Variants in RGS7 observed in about 807,000 individuals in gnomAD.
RGS7 encodes the protein regulator of G protein signaling 7.
RGS7 carries 27 observed loss-of-function variants against 81.1 expected under a neutral mutation model. The ratio of observed to expected loss-of-function variants is 0.33; its 90% CI spans 0.25 to 0.46. The LOEUF is 0.46. RGS7 is among the 20% of genes least tolerant of loss of function. RGS7 has a pLI of 1.00. For missense variants in RGS7, 396 were observed against 607.4 expected (o/e 0.65, Z 3.66); for synonymous variants, 208 against 207.7 (o/e 1.00, Z -0.01).
chr1:240,799,123 T>C (rs1687575612), intron 18 of RGS7, among the ~76,000 whole-genome samples: 1 of 152,196 alleles, frequency 6.6e-6, no homozygotes, highest in Non-Finnish European at 1.5e-5. Flanking sequence ...GAGAACCTTT[T>C]AATTTCCTTA....
At chr1:241,176,701 C>T (rs910897200) in intron 2 of RGS7, among the ~76,000 whole-genome samples, 1 of 152,000 alleles carries the variant, frequency 6.6e-6, no homozygotes, top group African/African-American at 2.4e-5. Context: ...AAATGGTGGG[C>T]CTTGGATATG....
intron 4 of RGS7, among the ~76,000 whole-genome samples, chr1:240,957,950 C>G (rs758533573): frequency 1.3e-5 from 2 of 152,186 alleles, no homozygotes; most frequent in Non-Finnish European, 2.9e-5. Flanking sequence ...GACGATTTTA[C>G]AGACCCAGTG....
At chr1:241,033,797 A>G (rs114913926) in intron 3 of RGS7, among the ~76,000 whole-genome samples, 1,601 of 152,280 alleles carry the variant, frequency 0.011, 19 homozygotes, top group Non-Finnish European at 0.017. Context: ...ATTTTACCAA[A>G]GTGCCACCTA....
At chr1:240,848,041 G>C (rs192977450) in intron 9 of RGS7, among the ~76,000 whole-genome samples, 17 of 152,184 alleles carry the variant, frequency 1.1e-4, no homozygotes, top group Admixed American at 6.5e-4. Context: ...CTAAAATAGG[G>C]GTTCTTATTC....
At position 241,308,952 on chromosome 1, in the gene RGS7, C is replaced by T. The variant is rs574922229; in HGVS notation, c.78+46747G>A. Among the ~76,000 whole-genome samples, 16 of 152,234 alleles carry T rather than the reference C, an allele frequency of 1.1e-4. No individual in the cohort carries two copies. In the South Asian group the frequency reaches 1.7e-3, roughly 16 times the overall value. ...GTCATCTTCTCTAAACCGAGGACAG[C>T]GATCAGCTACGTGAGAGTGGTATTC... is the stretch of plus-strand genomic sequence containing the variant. On this transcript the variant is annotated intron_variant, in intron 2 of 18. Transcript: ENST00000440928.
intron 2 of RGS7, among the ~76,000 whole-genome samples, chr1:241,176,072 T>C (rs1450755608): frequency 6.6e-6 from 1 of 152,210 alleles, no homozygotes; most frequent in South Asian, 2.1e-4. Context: ...GAGGAGGTCC[T>C]GTGAGTGTAT....
At chr1:240,804,109 G>C (rs949859209) in intron 15 of RGS7, among the ~76,000 whole-genome samples, 3 of 152,100 alleles carry the variant, frequency 2.0e-5, no homozygotes, top group African/African-American at 7.2e-5. Context: ...CCTTGCTCAA[G>C]AACTACCACT....
chr1:240,810,480 T>C (rs1212371429), intron 14 of RGS7, among the ~76,000 whole-genome samples: 1 of 147,136 alleles, frequency 6.8e-6, no homozygotes, highest in Non-Finnish European at 1.5e-5. Context: ...AGAGTCTTGC[T>C]CTGTTGCCCA....
At chr1:240,834,347 G>C (rs541466891) in intron 9 of RGS7, among the ~76,000 whole-genome samples, 15 of 152,290 alleles carry the variant, frequency 9.8e-5, no homozygotes, top group Non-Finnish European at 7.3e-5. Context: ...TCTTGCTTCA[G>C]TGTATGCTGT....
At chr1:240,818,034 T>C (rs1167487828) in intron 10 of RGS7, among the ~76,000 whole-genome samples, 2 of 152,204 alleles carry the variant, frequency 1.3e-5, no homozygotes, top group African/African-American at 4.8e-5. Flanking sequence ...CACCAGAACC[T>C]TGGAACCCAA....
intron 3 of RGS7, among the ~76,000 whole-genome samples, chr1:241,027,971 C>T (rs190277243): frequency 2.6e-4 from 40 of 152,214 alleles, no homozygotes; most frequent in African/African-American, 9.2e-4. Flanking sequence ...CTAGCTGGCT[C>T]GTTTTGAATT....
chr1:240,872,600 C>A (rs1664686230), intron 6 of RGS7, among the ~76,000 whole-genome samples: 1 of 152,160 alleles, frequency 6.6e-6, no homozygotes, highest in African/African-American at 2.4e-5. Context: ...CAGTCTAGTC[C>A]AGACACAGTT....
intron 15 of RGS7, among the ~76,000 whole-genome samples, chr1:240,805,215 C>A (rs1287592269): frequency 2.7e-5 from 4 of 148,874 alleles, no homozygotes; most frequent in Non-Finnish European, 3.0e-5. Flanking sequence ...CCTGTCTCTA[C>A]AAAAAAAAAT....
chr1:240,889,465 G>A (rs1667923098), intron 6 of RGS7, among the ~76,000 whole-genome samples: 1 of 152,106 alleles, frequency 6.6e-6, no homozygotes, highest in Admixed American at 6.5e-5. Flanking sequence ...GGGCTGAGCC[G>A]GGAGCCTACG....
intron 2 of RGS7, among the ~76,000 whole-genome samples, chr1:241,305,255 C>G (rs762421087): frequency 2.0e-5 from 3 of 152,140 alleles, no homozygotes; most frequent in Non-Finnish European, 4.4e-5. Context: ...GAAAACAAGT[C>G]GATGGAGAAA....
chr1:241,087,392 A>G (rs1044281655), intron 3 of RGS7, among the ~76,000 whole-genome samples: 33 of 152,254 alleles, frequency 2.2e-4, no homozygotes, highest in African/African-American at 6.8e-4. Context: ...ATAAAGCCAT[A>G]CAATCACAAA....
intron 3 of RGS7, among the ~76,000 whole-genome samples, chr1:241,061,666 G>A (rs1375498343): frequency 6.6e-6 from 1 of 152,132 alleles, no homozygotes; most frequent in Non-Finnish European, 1.5e-5. Context: ...CGAGGAGAAG[G>A]CAGCGTCAAA....
chr1:240,895,332 A>G (rs1004261283), intron 6 of RGS7, among the ~76,000 whole-genome samples: 1 of 150,836 alleles, frequency 6.6e-6, no homozygotes, highest in African/African-American at 2.4e-5. Context: ...GTACAGGTGC[A>G]CAATGTGCAG....
intron 2 of RGS7, among the ~76,000 whole-genome samples, chr1:241,232,235 A>G (rs114356983): frequency 0.022 from 3,273 of 151,578 alleles, 110 homozygotes; most frequent in African/African-American, 0.075. Context: ...TTGAGATGCC[A>G]GAGTGCAGTG....
Sources: gnomAD v4.1 joint callset for allele counts (sites outside exome capture counted in the v4.1 genomes callset) on GRCh38, gnomAD v4.1.1 for gene constraint, MANE v1.5 for transcripts, NCBI Gene and HGNC (gene_info 2026-07-23, HGNC 2026-07-21) for gene names.